DLGAP4: variants seen among roughly 807,000 people sequenced by gnomAD.
DLGAP4 encodes disks large-associated protein 4.
In DLGAP4, 18 loss-of-function variants were observed where a neutral mutation model predicts 86.9. The ratio of observed to expected loss-of-function variants is 0.21; its 90% confidence interval spans 0.14 to 0.31. The LOEUF (loss-of-function observed/expected upper bound fraction) is 0.31. DLGAP4 is among the 10% of genes least tolerant of loss of function. The pLI, the probability that DLGAP4 is intolerant of heterozygous loss-of-function variation, is 1.00. For missense variants in DLGAP4, 1,085 were observed against 1,362.6 expected (o/e 0.80, Z 3.21); for synonymous variants, 548 against 574.3 (o/e 0.95, Z 0.65).
At chr20:36,491,486 A>G (rs2035660256) in intron 7 of DLGAP4, among the ~76,000 whole-genome samples, 1 of 152,104 alleles carries the variant, frequency 6.6e-6, no homozygotes, top group Non-Finnish European at 1.5e-5. Context: ...GGGTGGTTTC[A>G]CGTGCTGTGG....
rs568441372 is a variant in DLGAP4, at chr20:36,308,131, C to T, written c.-304+1619C>T. Among the ~76,000 whole-genome samples the T allele has an allele frequency of 2.6e-5, 4 of 152,308 alleles. No individual in the cohort carries two copies. In the East Asian group the frequency reaches 7.7e-4, roughly 29 times the overall value. On this transcript the variant is annotated intron_variant, in intron 1 of 12. Coordinates refer to ENST00000339266, the MANE Select transcript of DLGAP4 (RefSeq NM_001365621.2). The surrounding 1 kb of genome is among the most constrained non-coding windows in gnomAD (Gnocchi z 4.5). The stretch of plus-strand genomic sequence containing the variant: ...ACGCTGGCTGTGCACGTGGGGCTGG[C>T]TAGAGTGCCTGTCTCCCGCTGTGGC...
chr20:36,485,601 T>C (rs1283544696), intron 7 of DLGAP4, among the ~76,000 whole-genome samples: 1 of 152,110 alleles, frequency 6.6e-6, no homozygotes, highest in Non-Finnish European at 1.5e-5. Context: ...CAGCCCACCA[T>C]GGCCAGCATT....
intron 10 of DLGAP4, among the ~76,000 whole-genome samples, chr20:36,517,036 G>C (rs924967411): frequency 3.3e-5 from 5 of 149,604 alleles, no homozygotes; most frequent in Non-Finnish European, 5.9e-5. Context: ...AGAGTGCTGG[G>C]ATTACAGGCA....
intron 2 of DLGAP4, among the ~76,000 whole-genome samples, chr20:36,419,842 C>T (rs901179008): frequency 3.9e-5 from 6 of 152,228 alleles, no homozygotes; most frequent in African/African-American, 1.4e-4. Context: ...GTCATCTCCA[C>T]AATATCCTAT....
At chr20:36,436,459 G>GGAGCCACGCCCCCTTT (rs1388917401) in intron 4 of DLGAP4, 109 bp downstream of exon 4, 1 of 1,420,702 alleles carries the variant, frequency 7.0e-7, no homozygotes, top group Non-Finnish European at 9.2e-7. Context: ...CGCCTGCGTG[G>GGAGCCACGCCCCCTTT]GAGCCACGCC....
At chr20:36,361,125 G>A (rs1228247328) in intron 1 of DLGAP4, among the ~76,000 whole-genome samples, 2 of 152,138 alleles carry the variant, frequency 1.3e-5, no homozygotes, top group Non-Finnish European at 2.9e-5. Context: ...TAGTCCCCCA[G>A]ATAGAAAAGC....
chr20:36,436,450 G>C, intron 4 of DLGAP4, 100 bp downstream of exon 4: 2 of 1,424,638 alleles, frequency 1.4e-6, no homozygotes, highest in Non-Finnish European at 1.8e-6. Flanking sequence ...AATAAGCCCC[G>C]CCTGCGTGGG....
intron 2 of DLGAP4, among the ~76,000 whole-genome samples, chr20:36,370,043 T>C (rs2030863428): frequency 1.3e-5 from 2 of 152,244 alleles, no homozygotes; most frequent in Admixed American, 6.5e-5. Context: ...GTCCAGGAAG[T>C]TCCCCGCAAA....
At chr20:36,506,415 C>T (rs1304989955) in intron 10 of DLGAP4, among the ~76,000 whole-genome samples, 2 of 152,162 alleles carry the variant, frequency 1.3e-5, no homozygotes, top group Non-Finnish European at 1.5e-5. Flanking sequence ...CACCAGAACT[C>T]CTGCAGTTGA....
intron 7 of DLGAP4, among the ~76,000 whole-genome samples, chr20:36,476,692 T>TC (rs1391324726): frequency 6.8e-6 from 1 of 146,474 alleles, no homozygotes; most frequent in African/African-American, 2.6e-5. Flanking sequence ...GCCCAATTTT[T>TC]TTTTTTTTTT....
chr20:36,335,870 C>T (rs1326577286), intron 1 of DLGAP4, among the ~76,000 whole-genome samples: 1 of 152,188 alleles, frequency 6.6e-6, no homozygotes, highest in Non-Finnish European at 1.5e-5. Flanking sequence ...TCTTAGGGGC[C>T]TGGTCTCCCT....
intron 2 of DLGAP4, among the ~76,000 whole-genome samples, chr20:36,370,739 G>A (rs898964048): frequency 6.6e-6 from 1 of 152,192 alleles, no homozygotes; most frequent in Admixed American, 6.5e-5. Flanking sequence ...AGGATCACTT[G>A]AGCCCAAAAG....
intron 10 of DLGAP4, among the ~76,000 whole-genome samples, chr20:36,517,251 G>T (rs1328576273): frequency 1.3e-5 from 2 of 151,928 alleles, no homozygotes; most frequent in Non-Finnish European, 2.9e-5. Flanking sequence ...TGGTGCGGGC[G>T]CCTGTAATCC....
chr20:36,339,645 A>G (rs2065357331), intron 1 of DLGAP4, among the ~76,000 whole-genome samples: 1 of 152,198 alleles, frequency 6.6e-6, no homozygotes, highest in African/African-American at 2.4e-5. Flanking sequence ...ATGGCGCCCA[A>G]CCCAGTGTGT....
In DLGAP4 at chr20:36,359,735, T is replaced by C. The variant is rs114537463; in HGVS notation, c.-303-7310T>C. ...GCACATAGCGGTGTTCCTAGAGCTGTGAGAGACTGCACAGGCTGTTCCTAT... is the reference window on the plus strand; with the variant it reads ...GCACATAGCGGTGTTCCTAGAGCTGCGAGAGACTGCACAGGCTGTTCCTAT... On this transcript the variant is annotated intron_variant, in intron 1 of 12. Transcript: ENST00000339266. Among the ~76,000 whole-genome samples, 779 of 152,318 alleles carry C rather than the reference T, an allele frequency of 5.1e-3. 11 individuals are homozygous for C. Among genetic ancestry groups the C allele is most frequent in the African/African-American group, 0.018 (750 of 41,574 alleles).
intron 11 of DLGAP4, among the ~76,000 whole-genome samples, chr20:36,524,720 T>C (rs938012721): frequency 1.3e-5 from 2 of 150,694 alleles, no homozygotes; most frequent in Non-Finnish European, 2.9e-5. Context: ...CTGACCAACA[T>C]GGAGAAACCC....
intron 2 of DLGAP4, among the ~76,000 whole-genome samples, chr20:36,408,253 G>A (rs554577712): frequency 6.6e-6 from 1 of 152,024 alleles, no homozygotes; most frequent in African/African-American, 2.4e-5. Context: ...GGAAGAACAG[G>A]GAGGAGGGCA....
chr20:36,478,849 A>G (rs938714376), intron 7 of DLGAP4, among the ~76,000 whole-genome samples: 1 of 152,222 alleles, frequency 6.6e-6, no homozygotes, highest in Non-Finnish European at 1.5e-5. Flanking sequence ...TTAGTAGCAC[A>G]GGGGTGATGA....
At position 36,411,674 on chromosome 20, in the gene DLGAP4, A is replaced by G. The variant is rs115233918; in HGVS notation, c.-72-19972A>G. 7.2e-3 allele frequency among the ~76,000 whole-genome samples: 1,095 copies of G among 152,266 alleles called. 17 individuals are homozygous for G. The highest frequency in any genetic ancestry group is 0.025 in the African/African-American group (1,057 of 41,538). Reference sequence around the variant, plus strand: ...TCTATTTTGATGGCTGATGGCCTACAGTTTAAATCCAGAGTTCCTAGAGGG... The same window carrying G: ...TCTATTTTGATGGCTGATGGCCTACGGTTTAAATCCAGAGTTCCTAGAGGG... On this transcript the variant is annotated intron_variant, in intron 2 of 12. Transcript: ENST00000339266.
Sources: allele counts gnomAD v4.1 joint callset (sites outside exome capture counted in the v4.1 genomes callset), GRCh38; gene constraint gnomAD v4.1.1; non-coding constraint Gnocchi (gnomAD v3.1); transcripts MANE v1.5; gene names NCBI Gene and HGNC (gene_info 2026-07-23, HGNC 2026-07-21).